The following LRRC7 variants were observed in gnomAD, a reference collection of about 807,000 sequenced individuals.
The protein encoded by LRRC7 is leucine rich repeat containing 7, also known as leucine-rich repeat-containing protein 7.
In LRRC7, 23 loss-of-function variants were observed where a neutral mutation model predicts 175.7. The observed-to-expected ratio is 0.13, with a 90% CI of 0.09 to 0.19. LRRC7 has a LOEUF of 0.19. Among genes scored for constraint, LRRC7 ranks in the 10% least tolerant of loss-of-function variants. The pLI is 1.00. For synonymous variants in LRRC7, 685 were observed against 680.9 expected (o/e 1.01, Z -0.09); for missense variants, 1,354 against 1,904.7 (o/e 0.71, Z 5.38).
At chr1:69,890,634 C>T (rs1645805467) in intron 7 of LRRC7, among the ~76,000 whole-genome samples, 1 of 152,142 alleles carries the variant, frequency 6.6e-6, no homozygotes, top group South Asian at 2.1e-4. Flanking sequence ...ATTGATATTT[C>T]CTCTTTAGCT....
Position 69,649,693 on chromosome 1 carries a change from A to G in LRRC7, c.3-28688A>G, listed in dbSNP as rs541844364. On this transcript the variant is annotated intron_variant, in intron 1 of 26. Coordinates refer to ENST00000651989, the MANE Select transcript of LRRC7 (RefSeq NM_001370785.2). Reference sequence around the variant, plus strand: ...AAATGACTCCCCTTCCTCCATGCACATGCAATTCCATGCAAAAGTATATGG... The same window carrying G: ...AAATGACTCCCCTTCCTCCATGCACGTGCAATTCCATGCAAAAGTATATGG... Among the ~76,000 whole-genome samples, 13 of 152,300 alleles carry G rather than the reference A, an allele frequency of 8.5e-5. No individual in the cohort carries two copies. The South Asian group carries it at 1.9e-3, about 22-fold the overall frequency.
At chr1:69,663,224 G>C (rs1657742378) in intron 1 of LRRC7, among the ~76,000 whole-genome samples, 1 of 151,962 alleles carries the variant, frequency 6.6e-6, no homozygotes, top group Non-Finnish European at 1.5e-5. Flanking sequence ...TGAGTCATAT[G>C]TATGTTCAAC....
At chr1:69,715,858 G>A (rs760023741) in intron 2 of LRRC7, among the ~76,000 whole-genome samples, 3 of 151,944 alleles carry the variant, frequency 2.0e-5, no homozygotes, top group Non-Finnish European at 2.9e-5. Flanking sequence ...GAAAAGCACT[G>A]TACAAAGCAT....
intron 1 of LRRC7, among the ~76,000 whole-genome samples, chr1:69,593,996 G>C (rs922826560): frequency 3.3e-5 from 5 of 152,098 alleles, no homozygotes; most frequent in African/African-American, 1.2e-4. Context: ...TTAATTTTCT[G>C]CAGGTATTTT....
intron 18 of LRRC7, among the ~76,000 whole-genome samples, chr1:70,035,313 G>A (rs1045531313): frequency 6.6e-6 from 1 of 152,084 alleles, no homozygotes; most frequent in Non-Finnish European, 1.5e-5. Context: ...TCTCCACCCT[G>A]CCTGGTTAAC....
At chr1:70,120,407 T>C (rs1293938412) in intron 26 of LRRC7, among the ~76,000 whole-genome samples, 1 of 152,092 alleles carries the variant, frequency 6.6e-6, no homozygotes, top group Non-Finnish European at 1.5e-5. Context: ...AGATTTACTA[T>C]GGTTTACAAG....
At chr1:69,929,961 T>A (rs1409844939) in intron 7 of LRRC7, among the ~76,000 whole-genome samples, 1 of 152,136 alleles carries the variant, frequency 6.6e-6, no homozygotes. Flanking sequence ...TGCTTTAGAA[T>A]CTCCATATTA....
chr1:69,839,670 A>G (rs1681510062), intron 7 of LRRC7, among the ~76,000 whole-genome samples: 2 of 152,038 alleles, frequency 1.3e-5, no homozygotes, highest in African/African-American at 4.8e-5. Context: ...AAATATATAC[A>G]TTTAGGTCAA....
At chr1:69,641,744 C>T (rs938293447) in intron 1 of LRRC7, among the ~76,000 whole-genome samples, 4 of 151,448 alleles carry the variant, frequency 2.6e-5, no homozygotes, top group Non-Finnish European at 5.9e-5. Flanking sequence ...AGAACTTAAA[C>T]AAATTTTAAA....
intron 23 of LRRC7, among the ~76,000 whole-genome samples, chr1:70,067,035 TGAAC>T (rs2102101940): frequency 6.6e-6 from 1 of 152,206 alleles, no homozygotes; most frequent in Non-Finnish European, 1.5e-5. Flanking sequence ...CTAATAACGT[TGAAC>T]ATCTTTTTAT....
intron 8 of LRRC7, among the ~76,000 whole-genome samples, chr1:69,933,748 G>A (rs528459864): frequency 5.6e-4 from 85 of 151,998 alleles, no homozygotes; most frequent in Non-Finnish European, 1.0e-3. Flanking sequence ...GTAAAGATTT[G>A]GGTCAACAAT....
intron 1 of LRRC7, among the ~76,000 whole-genome samples, chr1:69,674,355 G>C (rs1449272524): frequency 6.6e-6 from 1 of 152,132 alleles, no homozygotes; most frequent in Non-Finnish European, 1.5e-5. Context: ...CCATGAGCAA[G>C]TCACTGAGCA....
intron 4 of LRRC7, among the ~76,000 whole-genome samples, chr1:69,810,288 GA>G (rs1677673393): frequency 6.6e-6 from 1 of 152,090 alleles, no homozygotes; most frequent in Non-Finnish European, 1.5e-5. Flanking sequence ...AAAACAAATG[GA>G]AAAACATTCC....
intron 7 of LRRC7, among the ~76,000 whole-genome samples, chr1:69,859,337 C>G (rs1684111971): frequency 6.6e-6 from 1 of 152,100 alleles, no homozygotes; most frequent in South Asian, 2.1e-4. Context: ...GTACATGCAT[C>G]ATGATTCCTG....
intron 3 of LRRC7, among the ~76,000 whole-genome samples, chr1:69,764,087 A>C (rs949582157): frequency 3.3e-5 from 5 of 152,000 alleles, no homozygotes; most frequent in Non-Finnish European, 7.4e-5. Flanking sequence ...AAGAACAGGA[A>C]GTATTTTGAT....
chr1:69,729,234 C>A (rs754814914), intron 2 of LRRC7, among the ~76,000 whole-genome samples: 14 of 152,096 alleles, frequency 9.2e-5, no homozygotes, highest in Non-Finnish European at 1.9e-4. Context: ...CTACCCTGGC[C>A]TCTTCCAAAT....
At chr1:69,598,035 A>G (rs1012501023) in intron 1 of LRRC7, among the ~76,000 whole-genome samples, 5 of 152,180 alleles carry the variant, frequency 3.3e-5, no homozygotes, top group African/African-American at 1.2e-4. Context: ...ACATAAAATG[A>G]TTTGTTGAGC....
chr1:69,990,291 A>G (rs1426699996), intron 10 of LRRC7, among the ~76,000 whole-genome samples: 1 of 152,058 alleles, frequency 6.6e-6, no homozygotes, highest in African/African-American at 2.4e-5. Context: ...AGTTGGGAGT[A>G]TAGGATGAAG....
At chr1:69,919,696 CA>C in intron 7 of LRRC7, 1 of 985,538 alleles carries the variant, frequency 1.0e-6, no homozygotes, top group Non-Finnish European at 1.6e-6. Context: ...GCAGCTCGGC[CA>C]AGGCCAGGGG....
Sources: allele counts gnomAD v4.1 joint callset (sites outside exome capture counted in the v4.1 genomes callset), GRCh38; gene constraint gnomAD v4.1.1; transcripts MANE v1.5; gene names NCBI Gene and HGNC (gene_info 2026-07-23, HGNC 2026-07-21).